TEX15: variants seen among roughly 807,000 people sequenced by gnomAD.
TEX15 encodes the protein testis expressed 15, meiosis and synapsis associated.
Under a neutral mutation model 237.3 loss-of-function variants are expected in TEX15, and 171 were observed. The observed-to-expected ratio is 0.72, with a 90% CI of 0.64 to 0.82. The LOEUF (loss-of-function observed/expected upper bound fraction) is 0.82, where lower values mean the gene tolerates loss of function less well. Among genes scored for constraint, TEX15 ranks in the 40% least tolerant of loss-of-function variants. The probability of loss-of-function intolerance (pLI) is 0.00; values close to 1 mark genes in which losing one functional copy is unlikely to be tolerated. For synonymous variants in TEX15, 1,338 were observed against 1,269.8 expected (o/e 1.05, Z -1.14); for missense variants, 3,750 against 3,646.5 (o/e 1.03, Z -0.73).
Position 30,847,265 on chromosome 8 carries a change from T to C in TEX15, c.2902A>G (p.Thr968Ala). 2.5e-6 allele frequency: 4 copies of C among 1,613,966 alleles called. No homozygotes were observed. The highest frequency in any genetic ancestry group is 1.6e-4 in the Middle Eastern group (1 of 6,062). Residue 968 changes from threonine (T) to alanine (A), a missense_variant, in exon 8 of 11, where the codon ACA becomes GCA. By Grantham distance (58) the Thr-to-Ala change is moderately conservative (BLOSUM62 0). Coordinates refer to ENST00000643185, the MANE Select transcript of TEX15 (RefSeq NM_001350162.2). ...GAAGAACTTGCAGTTTTGGGAAATG[T>C]CGTGGAAGCCAAATGCTCTACACTT... ...GRSVEHLAST[T>A]FPKTASSSVC... is the part of the protein sequence containing the mutation.
intron 5 of TEX15, among the ~76,000 whole-genome samples, chr8:30,864,959 G>A (rs1808129679): frequency 6.6e-6 from 1 of 151,746 alleles, no homozygotes; most frequent in African/African-American, 2.4e-5. Context: ...AAGCCTTAGG[G>A]TAACCAAAAA....
At chr8:30,908,432 T>A (rs997524914) in intron 1 of TEX15, among the ~76,000 whole-genome samples, 1 of 152,226 alleles carries the variant, frequency 6.6e-6, no homozygotes, top group African/African-American at 2.4e-5. Context: ...TCTATGTATA[T>A]CGAGAAAATA....
intron 10 of TEX15, among the ~76,000 whole-genome samples, chr8:30,833,724 G>T (rs12114073): frequency 0.092 from 13,961 of 152,234 alleles, 670 homozygotes; most frequent in Middle Eastern, 0.12. Flanking sequence ...GTAAGTGTGA[G>T]AGGTGATTTC....
In TEX15 at chr8:30,837,722, T is replaced by C; in HGVS notation, c.8562A>G (p.Pro2854=). ...DQKSVHGTFS[P]DHGTLLQKFL... is the part of the protein sequence containing the mutation. ...ATTTCTGCAAAAGCGTCCCATGGTC[T>C]GGTGAAAATGTGCCATGTACACTTT... Residue 2854 remains proline, a synonymous_variant, in exon 10 of 11, where the codon CCA becomes CCG. Coordinates refer to ENST00000643185, the MANE Select transcript of TEX15 (RefSeq NM_001350162.2). The C allele has an allele frequency of 6.2e-7, 1 of 1,614,124 alleles. No individual in the cohort carries two copies.
Position 30,831,577 on chromosome 8 carries a change from G to A in TEX15, c.*1709C>T, listed in dbSNP as rs1466613694. 2 of 151,598 alleles carry A rather than the reference G, an allele frequency of 1.3e-5. No homozygotes were observed. Among genetic ancestry groups the A allele is most frequent in the Non-Finnish European group, 2.9e-5 (2 of 67,968 alleles). The allele number at this position is 151,598 out of a possible 1,614,324, so 9.4% of individuals were successfully genotyped here. A position where few individuals can be genotyped will look rare whatever the true frequency, so the allele number is the denominator to read the frequency against. On this transcript the variant is annotated 3_prime_UTR_variant, in exon 11 of 11. Transcript: ENST00000643185. ...AAAATATTCCATGTTTTAATATTCT[G>A]TCACGTACAGATTTTTTAAAAATGT...
At chr8:30,903,732 G>T (rs1476531934) in intron 1 of TEX15, among the ~76,000 whole-genome samples, 1 of 152,152 alleles carries the variant, frequency 6.6e-6, no homozygotes, top group East Asian at 1.9e-4. Context: ...GTTACTGATA[G>T]CGAAAAACTG....
At chr8:30,870,757 G>C (rs574226417) in intron 4 of TEX15, among the ~76,000 whole-genome samples, 1 of 152,134 alleles carries the variant, frequency 6.6e-6, no homozygotes, top group Admixed American at 6.6e-5. Context: ...AACTCCAGAT[G>C]TAAGACTTTG....
intron 4 of TEX15, among the ~76,000 whole-genome samples, chr8:30,869,292 T>C (rs1242712255): frequency 6.6e-6 from 1 of 152,040 alleles, no homozygotes; most frequent in Non-Finnish European, 1.5e-5. Flanking sequence ...GACTCTTTTC[T>C]GTACACAGTA....
At chr8:30,911,311 A>G (rs1809212841) in intron 1 of TEX15, among the ~76,000 whole-genome samples, 1 of 152,034 alleles carries the variant, frequency 6.6e-6, no homozygotes, top group South Asian at 2.1e-4. Context: ...TATTATTACT[A>G]CTACTATTAT....
chr8:30,883,975 T>G (rs1808593502), intron 3 of TEX15, among the ~76,000 whole-genome samples: 1 of 152,148 alleles, frequency 6.6e-6, no homozygotes, highest in East Asian at 1.9e-4. Flanking sequence ...CTTGCTTGAT[T>G]CTTGGGATCA....
In TEX15 at chr8:30,843,853, T is replaced by C. The variant is rs770667843; in HGVS notation, c.6314A>G (p.Tyr2105Cys). Residue 2105 changes from tyrosine (Y) to cysteine (C), a missense_variant, in exon 8 of 11, where the codon TAT (tyrosine) becomes TGT (cysteine). Coordinates refer to ENST00000643185, the MANE Select transcript of TEX15 (RefSeq NM_001350162.2). ...GEPTLRSLLW[Y>C]DETLYAELLG... is the part of the protein sequence containing the mutation. ...AAGCTCAGCATACAGTGTTTCATCA[T>C]ACCAAAGCAAGCTTCGCAATGTTGG... 1.9e-6 allele frequency: 3 copies of C among 1,612,676 alleles called. No homozygotes were observed. Among genetic ancestry groups the C allele is most frequent in the Admixed American group, 1.7e-5 (1 of 59,872 alleles).
At position 30,844,211 on chromosome 8, in the gene TEX15, C is replaced by T; in HGVS notation, c.5956G>A (p.Glu1986Lys). The T allele has an allele frequency of 3.7e-6, 6 of 1,611,286 alleles. No individual in the cohort carries two copies. Among genetic ancestry groups the T allele is most frequent in the Non-Finnish European group, 3.4e-6 (4 of 1,178,986 alleles). Residue 1986 changes from glutamate (E) to lysine (K), a missense_variant, in exon 8 of 11, where the codon GAA becomes AAA. Transcript: ENST00000643185. ...GTATGATTAGCTGAGCAATGTTTTTCTTTAAAATCACTCACGTATGACGCA... is the reference window on the plus strand; with the variant it reads ...GTATGATTAGCTGAGCAATGTTTTTTTTTAAAATCACTCACGTATGACGCA... ...KPASYVSDFK[E>K]KHCSANHTAL... is the part of the protein sequence containing the mutation.
chr8:30,857,857 C>G (rs904083835), intron 7 of TEX15, among the ~76,000 whole-genome samples: 1 of 152,086 alleles, frequency 6.6e-6, no homozygotes, highest in Admixed American at 6.6e-5. Flanking sequence ...ACTCATTAGA[C>G]TGGCAGAAAC....
intron 4 of TEX15, among the ~76,000 whole-genome samples, chr8:30,873,056 G>A (rs915340144): frequency 1.3e-5 from 2 of 152,074 alleles, no homozygotes; most frequent in African/African-American, 4.8e-5. Context: ...ACTCTACGAT[G>A]TTTACACAAT....
chr8:30,910,244 C>T (rs992475362), intron 1 of TEX15, among the ~76,000 whole-genome samples: 1 of 151,748 alleles, frequency 6.6e-6, no homozygotes, highest in African/African-American at 2.4e-5. Flanking sequence ...ACCTTCGGAT[C>T]TCCTGAAATT....
chr8:30,842,310 A>G lies in TEX15; in HGVS notation c.7857T>C (p.Ile2619=). 1 of 1,613,840 alleles carries G rather than the reference A, an allele frequency of 6.2e-7. No homozygotes were observed. The highest frequency in any genetic ancestry group is 1.1e-5 in the South Asian group (1 of 91,074). The change falls in exon 8 of 11, where the codon ATT becomes ATC. Residue 2619 remains isoleucine, a synonymous_variant. Transcript: ENST00000643185. ...TAGTACATATCATCTTCATATGTTC[A>G]ATCGTTTTCATGACTTTCCTAATGT... ...MAHIRKVMKT[I]EHMKMICTKN...
At chr8:30,900,769 C>T (rs1041004396) in intron 1 of TEX15, among the ~76,000 whole-genome samples, 1 of 152,154 alleles carries the variant, frequency 6.6e-6, no homozygotes, top group Non-Finnish European at 1.5e-5. Context: ...GGCTACAGGA[C>T]ACTGAAATTA....
intron 2 of TEX15, among the ~76,000 whole-genome samples, chr8:30,895,446 C>T (rs1374540125): frequency 6.6e-6 from 1 of 151,960 alleles, no homozygotes; most frequent in Non-Finnish European, 1.5e-5. Flanking sequence ...GAGGATGCCC[C>T]TAAGAGGCTA....
rs756312954 is a variant in TEX15, at chr8:30,842,176, G to C, written c.7991C>G (p.Pro2664Arg). The change falls in exon 8 of 11, where the codon CCT (proline) becomes CGT (arginine). Residue 2664 changes from proline to arginine, a missense_variant. Coordinates refer to ENST00000643185, the MANE Select transcript of TEX15 (RefSeq NM_001350162.2). ...ACTAAATTTATTGTTATTTTCCCCAGGTTTTACAATATGAATATTCATTTT... is the reference window on the plus strand; with the variant it reads ...ACTAAATTTATTGTTATTTTCCCCACGTTTTACAATATGAATATTCATTTT... ...KEKMNIHIVK[P>R]GENNNKFSIS... is the part of the protein sequence containing the mutation. 6.2e-7 allele frequency: 1 copy of C among 1,612,446 alleles called. No homozygotes were observed. The highest frequency in any genetic ancestry group is 1.7e-5 in the Admixed American group (1 of 59,834).
Sources: allele counts gnomAD v4.1 joint callset (sites outside exome capture counted in the v4.1 genomes callset), GRCh38; gene constraint gnomAD v4.1.1; transcripts MANE v1.5; gene names NCBI Gene and HGNC (gene_info 2026-07-23, HGNC 2026-07-21).